Variants in NRCAM observed in about 807,000 individuals in gnomAD.
NRCAM encodes the protein neuronal cell adhesion molecule.
Under a neutral mutation model 156.5 loss-of-function variants are expected in NRCAM, and 83 were observed. The observed-to-expected ratio is 0.53, with a 90% CI of 0.44 to 0.64. The LOEUF (loss-of-function observed/expected upper bound fraction) is 0.64, where lower values mean the gene tolerates loss of function less well. Among genes scored for constraint, NRCAM ranks in the 30% least tolerant of loss-of-function variants. NRCAM has a pLI of 0.00. For synonymous variants in NRCAM, 538 were observed against 563.9 expected, an observed-to-expected ratio of 0.95 and a Z score of 0.65; for missense variants, 1,417 against 1,597.3, an observed-to-expected ratio of 0.89 and a Z score of 1.92.
intron 2 of NRCAM, among the ~76,000 whole-genome samples, chr7:108,337,975 T>G (rs1256872942): frequency 6.6e-6 from 1 of 152,130 alleles, no homozygotes; most frequent in Non-Finnish European, 1.5e-5. Context: ...TAGCGTGGCC[T>G]CCGGACTTAA....
intron 2 of NRCAM, among the ~76,000 whole-genome samples, chr7:108,355,052 G>A (rs577048098): frequency 4.9e-4 from 74 of 152,312 alleles, no homozygotes; most frequent in African/African-American, 1.7e-3. Context: ...AAGGGTTTTA[G>A]AGAGCTCTGC....
At chr7:108,257,139 G>A (rs2096715018) in intron 3 of NRCAM, among the ~76,000 whole-genome samples, 1 of 151,938 alleles carries the variant, frequency 6.6e-6, no homozygotes, top group African/African-American at 2.4e-5. Flanking sequence ...AAGGAAGGAA[G>A]AAAAGGCAAA....
intron 21 of NRCAM, 36 bp downstream of exon 21, chr7:108,184,381 A>G (rs757997098): frequency 6.2e-7 from 1 of 1,613,636 alleles, no homozygotes; most frequent in South Asian, 1.1e-5. Flanking sequence ...TTTTTATTAT[A>G]TTTCGTACCC....
intron 2 of NRCAM, among the ~76,000 whole-genome samples, chr7:108,365,683 A>G (rs2154331697): frequency 6.6e-6 from 1 of 152,344 alleles, no homozygotes; most frequent in Admixed American, 6.5e-5. Flanking sequence ...TTGGTTCCAC[A>G]TAAGAAAACC....
chr7:108,269,946 T>C (rs1335053800), intron 3 of NRCAM, among the ~76,000 whole-genome samples: 1 of 152,214 alleles, frequency 6.6e-6, no homozygotes. Context: ...ACAGTAACCA[T>C]ACTGTGCTTA....
In NRCAM at chr7:108,223,797, G is replaced by A; in HGVS notation, c.818C>T (p.Pro273Leu). 6.2e-7 allele frequency: 1 copy of A among 1,610,830 alleles called. No homozygotes were observed. The highest frequency in any genetic ancestry group is 8.5e-7 in the Non-Finnish European group (1 of 1,177,382). The change falls in exon 11 of 33, where the codon CCA becomes CTA. Residue 273 changes from proline to leucine, a missense_variant. Around this residue, in one of 2 missense-constraint regions of NRCAM, gnomAD observed 1,238 missense variants for 1,336.4 expected, o/e 0.93. Coordinates refer to ENST00000379028, the MANE Select transcript of NRCAM (RefSeq NM_001037132.4). ...SRERPPTFLT[P>L]EGNASNKEEL... ...CTCTTTGTTACTTGCATTGCCTTCTGGAGTTAAAAATGTTGGTGGCCTCTC... is the reference window on the plus strand; with the variant it reads ...CTCTTTGTTACTTGCATTGCCTTCTAGAGTTAAAAATGTTGGTGGCCTCTC...
At chr7:108,376,389 T>C (rs1414899716) in intron 2 of NRCAM, among the ~76,000 whole-genome samples, 6 of 152,172 alleles carry the variant, frequency 3.9e-5, no homozygotes, top group Admixed American at 1.3e-4. Flanking sequence ...TCTGGTCCCA[T>C]AGTCATCTTG....
At chr7:108,285,542 A>G (rs752262252) in intron 3 of NRCAM, among the ~76,000 whole-genome samples, 1 of 152,138 alleles carries the variant, frequency 6.6e-6, no homozygotes, top group Non-Finnish European at 1.5e-5. Context: ...AGGATAACAG[A>G]CTAACTAGGG....
chr7:108,435,605 G>A (rs868238035), intron 1 of NRCAM, among the ~76,000 whole-genome samples: 3 of 152,182 alleles, frequency 2.0e-5, no homozygotes, highest in Admixed American at 2.0e-4. Context: ...TCCTGGCTGA[G>A]GGTGAAGAGT....
In NRCAM at chr7:108,197,994, T is replaced by C. The variant is rs2076033903; in HGVS notation, c.1313A>G (p.Tyr438Cys). Residue 438 changes from tyrosine to cysteine, a missense_variant, in exon 14 of 33, where the codon TAT becomes TGT. This residue lies in a region of NRCAM where 1,238 missense variants were observed against 1,336.4 expected (regional missense o/e 0.93). Transcript: ENST00000379028. ...AAATGCGTTTGCCAGTAAATATCCA[T>C]ATTCATTAGAGGCATTGCACTGATA... ...AVYQCNASNE[Y>C]GYLLANAFVN... 2 of 1,587,432 alleles carry C rather than the reference T, an allele frequency of 1.3e-6. No individual in the cohort carries two copies. Among genetic ancestry groups the C allele is most frequent in the Non-Finnish European group, 1.7e-6 (2 of 1,168,470 alleles).
At chr7:108,418,575 AC>A (rs1227370912) in intron 1 of NRCAM, among the ~76,000 whole-genome samples, 5 of 151,394 alleles carry the variant, frequency 3.3e-5, no homozygotes, top group African/African-American at 1.2e-4. Flanking sequence ...ACACACACAC[AC>A]ACACACACAC....
chr7:108,208,071 A>T (rs1588261748), intron 12 of NRCAM, among the ~76,000 whole-genome samples: 1 of 151,924 alleles, frequency 6.6e-6, no homozygotes, highest in Non-Finnish European at 1.5e-5. Flanking sequence ...AAGTGGCTGG[A>T]TCACTTGAGG....
At chr7:108,264,587 T>C (rs2097017387) in intron 3 of NRCAM, among the ~76,000 whole-genome samples, 1 of 152,238 alleles carries the variant, frequency 6.6e-6, no homozygotes, top group South Asian at 2.1e-4. Flanking sequence ...TGATACAATA[T>C]TTATCTTAAC....
At chr7:108,350,982 T>C (rs890542160) in intron 2 of NRCAM, among the ~76,000 whole-genome samples, 3 of 152,208 alleles carry the variant, frequency 2.0e-5, no homozygotes, top group Admixed American at 6.5e-5. Context: ...GAACAGAGCC[T>C]AGCACAGAAT....
chr7:108,153,137 G>A (rs769784086), intron 32 of NRCAM, among the ~76,000 whole-genome samples: 9 of 152,102 alleles, frequency 5.9e-5, no homozygotes, highest in Non-Finnish European at 1.2e-4. Context: ...CAATAAGAAT[G>A]CTTTAAGAAA....
chr7:108,262,967 C>T (rs1373036155), intron 3 of NRCAM, among the ~76,000 whole-genome samples: 3 of 152,210 alleles, frequency 2.0e-5, no homozygotes, highest in African/African-American at 4.8e-5. Context: ...GAAGCTACCA[C>T]GTGGAGAAGC....
chr7:108,153,105 G>A (rs1401330607), intron 32 of NRCAM, among the ~76,000 whole-genome samples: 1 of 152,066 alleles, frequency 6.6e-6, no homozygotes, highest in Non-Finnish European at 1.5e-5. Context: ...TTTGAGGCTA[G>A]TATAACATTG....
At chr7:108,167,144 A>G (rs932993949) in intron 29 of NRCAM, 71 bp from the exon 30 acceptor site, 83 of 1,200,862 alleles carry the variant, frequency 6.9e-5, no homozygotes, top group Non-Finnish European at 9.7e-5. Context: ...TGCTTCAAGA[A>G]AGGAAAATTC....
chr7:108,286,282 A>G (rs2098095454), intron 3 of NRCAM, among the ~76,000 whole-genome samples: 1 of 152,220 alleles, frequency 6.6e-6, no homozygotes, highest in Non-Finnish European at 1.5e-5. Flanking sequence ...TCCACTGTGT[A>G]GAGCAGTATT....
Sources: gnomAD v4.1 joint callset for allele counts (sites outside exome capture counted in the v4.1 genomes callset) on GRCh38, gnomAD v4.1.1 for gene constraint, gnomAD v4.1.1 regional missense constraint, MANE v1.5 for transcripts, NCBI Gene and HGNC (gene_info 2026-07-23, HGNC 2026-07-21) for gene names.